Variants in RASA4 observed in about 807,000 individuals in gnomAD.
RASA4 encodes the protein RAS p21 protein activator 4.
Under a neutral mutation model 24.0 loss-of-function variants are expected in RASA4, and 5 were observed. The observed-to-expected ratio is 0.21, with a 90% CI of 0.11 to 0.44. The LOEUF is 0.44. RASA4 is among the 20% of genes least tolerant of loss of function. The pLI, the probability that RASA4 is intolerant of heterozygous loss-of-function variation, is 0.99. For synonymous variants in RASA4, 9 were observed against 132.7 expected (o/e 0.07, Z 6.41); for missense variants, 38 against 293.0 (o/e 0.13, Z 6.35).
intron 16 of RASA4, among the ~76,000 whole-genome samples, chr7:102,591,918 C>A (rs1247718230): frequency 6.6e-6 from 1 of 152,240 alleles, no homozygotes; most frequent in Non-Finnish European, 1.5e-5. Flanking sequence ...ACTGCAACTT[C>A]TGCCTCCCAG....
chr7:102,603,863 A>C (rs375917275), intron 5 of RASA4, among the ~76,000 whole-genome samples: 542 of 53,216 alleles, frequency 0.01, 12 homozygotes, highest in Non-Finnish European at 0.014. Flanking sequence ...AAAAAAAACC[A>C]CCAAAAAAAA....
chr7:102,612,219 TC>T (rs1344755301), intron 1 of RASA4: 9 of 152,546 alleles, frequency 5.9e-5, no homozygotes, highest in Non-Finnish European at 5.8e-5. Context: ...CCTGCCCACT[TC>T]ATCCAGCCTG....
At chr7:102,599,728 G>A in intron 8 of RASA4, 132 bp downstream of exon 8, 3 of 249,110 alleles carry the variant, frequency 1.2e-5, no homozygotes, top group Non-Finnish European at 2.3e-5. Flanking sequence ...CAGGGGCTGA[G>A]GGGACCCTGG....
intron 16 of RASA4, among the ~76,000 whole-genome samples, chr7:102,590,873 G>A (rs1293972422): frequency 7.0e-6 from 1 of 142,556 alleles, no homozygotes; most frequent in Non-Finnish European, 1.5e-5. Context: ...CCGGGAGGCG[G>A]AGGTTGCGGT....
rs561434146 is a variant in RASA4 at position 102,598,360 on chromosome 7, AATAT to A, written c.737+1496_737+1499del. On this transcript the variant is annotated intron_variant, in intron 8 of 20. Transcript: ENST00000262940. ...AGTGAGATTCTGCTCAAAAAAAAAAAATATATATATATATATTCACTTTTATCTG... is the reference window on the plus strand; with the variant it reads ...AGTGAGATTCTGCTCAAAAAAAAAAAATATATATATATTCACTTTTATCTG... 6.0e-3 allele frequency among the ~76,000 whole-genome samples: 764 copies of A among 126,286 alleles called. 17 individuals are homozygous for A. The highest frequency in any genetic ancestry group is 0.013 in the African/African-American group (442 of 34,834). 82.8% of individuals were successfully genotyped at this position (126,286 alleles called of 152,430 possible).
chr7:102,608,276 T>TTAAAA (rs372805684), intron 4 of RASA4, among the ~76,000 whole-genome samples: 2 of 63,492 alleles, frequency 3.1e-5, no homozygotes, highest in Admixed American at 1.6e-4. Context: ...GCCTTTTTTT[T>TTAAAA]AAAAAAAAAC....
At chr7:102,599,554 G>A (rs1247484869) in intron 8 of RASA4, among the ~76,000 whole-genome samples, 44,424 of 107,210 alleles carry the variant, frequency 0.41, 4,485 homozygotes, top group East Asian at 0.51. Context: ...GGAGAATGGC[G>A]TGAACCCGGG....
intron 12 of RASA4, 96 bp downstream of exon 12, chr7:102,594,350 AC>A: frequency 1.2e-4 from 1 of 8,442 alleles, no homozygotes; most frequent in African/African-American, 9.2e-4. Flanking sequence ...GGGACAATAC[AC>A]GGGTGGGCAG....
At chr7:102,597,812 T>G (rs1790290932) in intron 8 of RASA4, among the ~76,000 whole-genome samples, 1 of 74,310 alleles carries the variant, frequency 1.3e-5, no homozygotes, top group African/African-American at 3.6e-5. Context: ...TCTCCTGGGT[T>G]CCAGCAATTA....
In RASA4 at chr7:102,597,596, T is replaced by C. The variant is rs1156907787; in HGVS notation, c.738-1467A>G. Among the ~76,000 whole-genome samples, 13 of 122,372 alleles carry C rather than the reference T, an allele frequency of 1.1e-4. No homozygotes were observed. The Admixed American group carries it at 1.1e-3, about 10-fold the overall frequency. The allele number at this position is 122,372 out of a possible 152,430, so 80.3% of individuals were successfully genotyped here. ...GCCCGCCACCACATCCGGGTAATTT[T>C]TGTATTTTTAGTACAGACGGGATTT... On this transcript the variant is annotated intron_variant, in intron 8 of 20. Transcript: ENST00000262940.
At position 102,590,783 on chromosome 7, in the gene RASA4, A is replaced by T. The variant is rs1301387460; in HGVS notation, c.1831-487T>A. Among the ~76,000 whole-genome samples the T allele has an allele frequency of 2.8e-5, 4 of 142,906 alleles. 1 individual carries two copies. Among genetic ancestry groups the T allele is most frequent in the African/African-American group, 5.7e-5 (2 of 34,974 alleles). The allele number at this position is 142,906 out of a possible 152,430, so 93.8% of individuals were successfully genotyped here. A position where few individuals can be genotyped will look rare whatever the true frequency, so the allele number is the denominator to read the frequency against. On this transcript the variant is annotated intron_variant, in intron 16 of 20. Coordinates refer to ENST00000262940, the MANE Select transcript of RASA4 (RefSeq NM_006989.6). ...TGGAGAAACTCTGTGTCTACTAAAA[A>T]TACAAAATTAGCCGGGCATGGTGGC...
At chr7:102,598,413 C>CT (rs754299214) in intron 8 of RASA4, among the ~76,000 whole-genome samples, 4,970 of 83,028 alleles carry the variant, frequency 0.06, 31 homozygotes, top group African/African-American at 0.071. Flanking sequence ...ACTGGGTGTT[C>CT]TTTTTTTTTT....
chr7:102,587,394 GTT>G, intron 18 of RASA4: 1 of 364,078 alleles, frequency 2.7e-6, no homozygotes, highest in African/African-American at 2.8e-5. Context: ...ATTCTAACGT[GTT>G]TTCGGGCCTC....
chr7:102,612,060 C>CCCTTACTCTCCCTG (rs1790870526), intron 1 of RASA4: 1 of 150,370 alleles, frequency 6.7e-6, no homozygotes, highest in Non-Finnish European at 1.5e-5. Flanking sequence ...ACACCAAAGT[C>CCCTTACTCTCCCTG]GAGCCCCTTA....
At chr7:102,591,542 A>C in intron 16 of RASA4, among the ~76,000 whole-genome samples, 1 of 82,246 alleles carries the variant, frequency 1.2e-5, no homozygotes, top group Non-Finnish European at 2.4e-5. Context: ...CCTTCCTGGG[A>C]GAAGAGAGCT....
intron 4 of RASA4, among the ~76,000 whole-genome samples, chr7:102,606,557 G>A (rs1156845428): frequency 2.4e-3 from 151 of 62,688 alleles, no homozygotes; most frequent in East Asian, 3.1e-3. Flanking sequence ...ATCTTAAAAC[G>A]GGAAGAGAGT....
At chr7:102,603,493 T>C (rs1417811935) in intron 5 of RASA4, among the ~76,000 whole-genome samples, 5 of 151,540 alleles carry the variant, frequency 3.3e-5, no homozygotes, top group African/African-American at 1.2e-4. Context: ...TCTCGAAATC[T>C]GGGCCTCAAG....
rs1240641492 is a variant in RASA4, at chr7:102,581,246, G to A, written c.*1525C>T. On this transcript the variant is annotated 3_prime_UTR_variant, in exon 21 of 21. Transcript: ENST00000262940. ...GGGAGGAAGGAGGTTGGCTGAGCCA[G>A]GTCTGGGGGCCTCAGGGACTTCTGT... The A allele has an allele frequency of 1.3e-5, 2 of 151,028 alleles. No individual in the cohort carries two copies. Among genetic ancestry groups the A allele is most frequent in the African/African-American group, 4.8e-5 (2 of 41,390 alleles). The allele number at this position is 151,028 out of a possible 1,614,324, so 9.4% of individuals were successfully genotyped here. A position where few individuals can be genotyped will look rare whatever the true frequency, so the allele number is the denominator to read the frequency against.
In RASA4 at chr7:102,580,389, C is replaced by CCCTTTT. The variant is rs1245346205; in HGVS notation, c.*2381_*2382insAAAAGG. 1.8e-5 allele frequency: 1 copy of CCCTTTT among 56,740 alleles called. No individual in the cohort carries two copies. The highest frequency in any genetic ancestry group is 4.1e-5 in the Non-Finnish European group (1 of 24,274). 3.5% of individuals were successfully genotyped at this position (56,740 alleles called of 1,614,324 possible). On this transcript the variant is annotated 3_prime_UTR_variant, in exon 21 of 21. Transcript: ENST00000262940. ...AAAATTTCAAGTCTCCTTTATTTTC[C>CCCTTTT]TTTTTTTTTTTTTTTTTTTTTTAAT...
Sources: gnomAD v4.1 joint callset for allele counts (sites outside exome capture counted in the v4.1 genomes callset) on GRCh38, gnomAD v4.1.1 for gene constraint, MANE v1.5 for transcripts, NCBI Gene and HGNC (gene_info 2026-07-23, HGNC 2026-07-21) for gene names.